CNIH2: variants seen among roughly 807,000 people sequenced by gnomAD.
CNIH2 encodes the protein protein cornichon homolog 2.
A neutral mutation model predicts 22.9 loss-of-function variants in CNIH2; 8 were observed. That is an observed-to-expected ratio of 0.35 (90% CI 0.20 to 0.63). The LOEUF (loss-of-function observed/expected upper bound fraction) is 0.63. Ranked by LOEUF, CNIH2 falls within the 30% of genes least tolerant of loss-of-function variation. CNIH2 has a pLI of 0.72. For synonymous variants in CNIH2, 74 were observed against 78.2 expected, an observed-to-expected ratio of 0.95 and a Z score of 0.28; for missense variants, 105 against 206.2, an observed-to-expected ratio of 0.51 and a Z score of 3.01.
chr11:66,283,680 C>G lies in CNIH2; in HGVS notation c.*83C>G. ...CCCTGCCCCTTGGCCGCAGAGGCCT[C>G]AGCCCTGGGGAGGGAGGGGGCACTG... On this transcript the variant is annotated 3_prime_UTR_variant, in exon 6 of 6. Transcript: ENST00000311445. 6.7e-7 allele frequency: 1 copy of G among 1,485,394 alleles called. No homozygotes were observed. Among genetic ancestry groups the G allele is most frequent in the Non-Finnish European group, 9.1e-7 (1 of 1,093,244 alleles). 92.0% of individuals were successfully genotyped at this position (1,485,394 alleles called of 1,614,324 possible). A position where few individuals can be genotyped will look rare whatever the true frequency, so the allele number is the denominator to read the frequency against.
At chr11:66,282,410 GA>G in intron 2 of CNIH2, 83 bp downstream of exon 2, 1 of 992,780 alleles carries the variant, frequency 1.0e-6, no homozygotes, top group Non-Finnish European at 1.5e-6. Context: ...GAGACGGGAA[GA>G]CGGGGGTGGG....
intron 1 of CNIH2, 117 bp from the exon 2 acceptor site, chr11:66,282,142 A>G: frequency 1.1e-6 from 1 of 904,378 alleles, no homozygotes; most frequent in Non-Finnish European, 1.8e-6. Flanking sequence ...CGGTTTCTCC[A>G]CCTTTGCAAC....
chr11:66,282,450 C>T (rs1340977214), intron 2 of CNIH2, 123 bp downstream of exon 2: 2 of 1,146,762 alleles, frequency 1.7e-6, no homozygotes, highest in East Asian at 2.6e-5. Flanking sequence ...TGCCCCCTTC[C>T]TCTCTGTCTC....
At chr11:66,280,295 G>A (rs916749570) in intron 1 of CNIH2, among the ~76,000 whole-genome samples, 1 of 152,214 alleles carries the variant, frequency 6.6e-6, no homozygotes, top group Non-Finnish European at 1.5e-5. Flanking sequence ...GATATTGATT[G>A]AGCACCTGTG....
At position 66,283,748 on chromosome 11, in the gene CNIH2, A is replaced by AC. The variant is rs199877182; in HGVS notation, c.*159dup. 933 of 746,386 alleles carry AC rather than the reference A, an allele frequency of 1.3e-3. No homozygotes were observed. Among genetic ancestry groups the AC allele is most frequent in the African/African-American group, 6.5e-3 (361 of 55,924 alleles). The allele number at this position is 746,386 out of a possible 1,614,324, so 46.2% of individuals were successfully genotyped here. A position where few individuals can be genotyped will look rare whatever the true frequency, so the allele number is the denominator to read the frequency against. ...AACCCCCAAACTGCTGCTGCGGGGA[A>AC]CCCCCCCCACCCCGCCTTCAGAGCC... is the stretch of plus-strand genomic sequence containing the variant. On this transcript the variant is annotated 3_prime_UTR_variant, in exon 6 of 6. Transcript: ENST00000311445.
intron 1 of CNIH2, chr11:66,281,655 C>T (rs150686907): frequency 1.4e-5 from 5 of 360,006 alleles, no homozygotes; most frequent in Non-Finnish European, 2.8e-5. Context: ...TTCCACCACT[C>T]TCTCTTTTCT....
At position 66,278,556 on chromosome 11, in the gene CNIH2, TG is replaced by T; in HGVS notation, c.81+23del. On this transcript the variant is annotated intron_variant, in intron 1 of 5. Transcript: ENST00000311445. ...CTGGCACGTAAGGCCGGGCTGGGGC[TG>T]GGGCTGGGGGCGGGGTGGGGGGCAG... 4.1e-6 allele frequency: 1 copy of T among 244,024 alleles called. No homozygotes were observed. The highest frequency in any genetic ancestry group is 7.6e-6 in the Non-Finnish European group (1 of 131,828). The allele number at this position is 244,024 out of a possible 1,614,324, so 15.1% of individuals were successfully genotyped here.
Position 66,284,027 on chromosome 11 carries a change from G to C in CNIH2, c.*430G>C, listed in dbSNP as rs1857308439. 4.8e-6 allele frequency: 1 copy of C among 207,392 alleles called. No homozygotes were observed. 12.8% of individuals were successfully genotyped at this position (207,392 alleles called of 1,614,324 possible). A position where few individuals can be genotyped will look rare whatever the true frequency, so the allele number is the denominator to read the frequency against. On this transcript the variant is annotated 3_prime_UTR_variant, in exon 6 of 6. Coordinates refer to ENST00000311445, the MANE Select transcript of CNIH2 (RefSeq NM_182553.3). ...CCGGGAATGAGCAGGCTCAGCAGGGGGGCAGCCCCACCCCTAGTCTGCCCT... is the reference window on the plus strand; with the variant it reads ...CCGGGAATGAGCAGGCTCAGCAGGGCGGCAGCCCCACCCCTAGTCTGCCCT...
At chr11:66,282,060 C>A (rs1226468702) in intron 1 of CNIH2, among the ~76,000 whole-genome samples, 199 bp from the exon 2 acceptor site, 3 of 152,166 alleles carry the variant, frequency 2.0e-5, no homozygotes. Context: ...CTGAACTGGG[C>A]ATCCAGACGC....
chr11:66,282,444 C>G (rs1857273552), intron 2 of CNIH2, 117 bp downstream of exon 2: 1 of 1,151,528 alleles, frequency 8.7e-7, no homozygotes, highest in South Asian at 1.3e-5. Context: ...CGGCCATGCC[C>G]CCTTCCTCTC....
intron 5 of CNIH2, 57 bp downstream of exon 5, chr11:66,283,448 T>C: frequency 1.9e-6 from 3 of 1,611,974 alleles, no homozygotes; most frequent in Non-Finnish European, 2.5e-6. Flanking sequence ...AGCATCACGC[T>C]TCCAATCCCA....
chr11:66,282,429 G>GGGGGGGGGGGGGGGGGGGGGCCC, intron 2 of CNIH2, 102 bp downstream of exon 2: 2 of 479,462 alleles, frequency 4.2e-6, no homozygotes, highest in East Asian at 5.8e-5. Flanking sequence ...GGGGTGGGGG[G>GGGGGGGGGGGGGGGGGGGGGCCC]CCTACGGCCA....
At chr11:66,278,679 T>G (rs1027219555) in intron 1 of CNIH2, 142 bp downstream of exon 1, 1 of 458,566 alleles carries the variant, frequency 2.2e-6, no homozygotes, top group African/African-American at 2.2e-5. Flanking sequence ...TTCGCCCCCA[T>G]TAACACCCCC....
intron 1 of CNIH2, 93 bp from the exon 2 acceptor site, chr11:66,282,166 C>A: frequency 8.9e-7 from 1 of 1,119,846 alleles, no homozygotes; most frequent in Non-Finnish European, 1.4e-6. Context: ...CTCCACCTGG[C>A]TGGTCCTCTT....
Position 66,283,621 on chromosome 11 carries a change from G to A in CNIH2, c.*24G>A. 6.4e-7 allele frequency: 1 copy of A among 1,560,996 alleles called. No individual in the cohort carries two copies. The highest frequency in any genetic ancestry group is 8.7e-7 in the Non-Finnish European group (1 of 1,152,044). ...AAGGGGGAAGCCGGCCAGGGAGCGA[G>A]CCCAGAACGGACCGGACGCCTGTGC... On this transcript the variant is annotated 3_prime_UTR_variant, in exon 6 of 6. Coordinates refer to ENST00000311445, the MANE Select transcript of CNIH2 (RefSeq NM_182553.3).
At chr11:66,282,031 G>C (rs1857265097) in intron 1 of CNIH2, among the ~76,000 whole-genome samples, 2 of 152,142 alleles carry the variant, frequency 1.3e-5, no homozygotes, top group South Asian at 4.1e-4. Context: ...TTTTGGAAGG[G>C]GGTGTAGTGG....
At chr11:66,278,703 C>G (rs1375788970) in intron 1 of CNIH2, among the ~76,000 whole-genome samples, 166 bp downstream of exon 1, 1 of 150,956 alleles carries the variant, frequency 6.6e-6, no homozygotes, top group Non-Finnish European at 1.5e-5. Flanking sequence ...GGTCGGCTTT[C>G]TTCCCGGGGC....
chr11:66,282,366 G>T, intron 2 of CNIH2, 39 bp downstream of exon 2: 1 of 1,403,578 alleles, frequency 7.1e-7, no homozygotes, highest in African/African-American at 1.5e-5. Flanking sequence ...GTGTCCGTCC[G>T]TCTGTCTTTC....
chr11:66,281,409 C>T (rs906444164), intron 1 of CNIH2: 61 of 456,280 alleles, frequency 1.3e-4, no homozygotes, highest in African/African-American at 1.1e-3. Context: ...AATCCACATA[C>T]CGGCCAGGAG....
Sources: allele counts gnomAD v4.1 joint callset (sites outside exome capture counted in the v4.1 genomes callset), GRCh38; gene constraint gnomAD v4.1.1; transcripts MANE v1.5; gene names NCBI Gene and HGNC (gene_info 2026-07-23, HGNC 2026-07-21).